The following RPH3A variants were observed in gnomAD, a reference collection of about 807,000 sequenced individuals.
RPH3A encodes the protein rabphilin-3A.
A neutral mutation model predicts 102.2 loss-of-function variants in RPH3A; 48 were observed. The ratio of observed to expected loss-of-function variants is 0.47; its 90% confidence interval spans 0.37 to 0.60. The LOEUF (loss-of-function observed/expected upper bound fraction) is 0.60, where lower values mean the gene tolerates loss of function less well. Ranked by LOEUF, RPH3A falls within the 20% of genes least tolerant of loss-of-function variation. The probability of loss-of-function intolerance (pLI) is 0.00; values close to 1 mark genes in which losing one functional copy is unlikely to be tolerated. For missense variants in RPH3A, 781 were observed against 910.1 expected (o/e 0.86, Z 1.83); for synonymous variants, 310 against 324.3 (o/e 0.96, Z 0.47).
chr12:112,640,813 C>A (rs1332243754), intron 1 of RPH3A, among the ~76,000 whole-genome samples: 2 of 152,172 alleles, frequency 1.3e-5, no homozygotes, highest in Non-Finnish European at 2.9e-5. Context: ...TAGTCTCTGA[C>A]GTCTCTTCCT....
intron 1 of RPH3A, among the ~76,000 whole-genome samples, chr12:112,642,098 A>C (rs2039894943): frequency 6.6e-6 from 1 of 152,200 alleles, no homozygotes; most frequent in African/African-American, 2.4e-5. Context: ...AGCAAAGAAC[A>C]AGACAGCATT....
intron 1 of RPH3A, among the ~76,000 whole-genome samples, chr12:112,729,971 G>A (rs1210328205): frequency 6.6e-6 from 1 of 152,056 alleles, no homozygotes; most frequent in Admixed American, 6.6e-5. Flanking sequence ...TATGACTGCT[G>A]TCCTTATAAA....
intron 1 of RPH3A, among the ~76,000 whole-genome samples, chr12:112,661,275 G>T (rs1241220070): frequency 6.6e-6 from 1 of 152,140 alleles, no homozygotes; most frequent in Admixed American, 6.5e-5. Flanking sequence ...CAAAATAGAA[G>T]TGTGGGATTT....
At chr12:112,579,431 G>T (rs1446530158) in intron 1 of RPH3A, among the ~76,000 whole-genome samples, 1 of 151,980 alleles carries the variant, frequency 6.6e-6, no homozygotes, top group African/African-American at 2.4e-5. Context: ...TTCATGAACT[G>T]CCCTCCAGAA....
chr12:112,880,773 T>A (rs998972065), intron 14 of RPH3A, among the ~76,000 whole-genome samples: 6 of 152,218 alleles, frequency 3.9e-5, no homozygotes, highest in African/African-American at 1.4e-4. Flanking sequence ...AAACAATCAA[T>A]GAACACATCT....
intron 1 of RPH3A, among the ~76,000 whole-genome samples, chr12:112,773,905 A>T (rs576091042): frequency 1.2e-4 from 18 of 152,068 alleles, no homozygotes; most frequent in African/African-American, 3.9e-4. Context: ...ACATGGTGGC[A>T]CCCCTGTCTC....
intron 1 of RPH3A, among the ~76,000 whole-genome samples, chr12:112,644,597 C>T (rs1485977225): frequency 6.6e-6 from 1 of 152,246 alleles, no homozygotes; most frequent in Non-Finnish European, 1.5e-5. Flanking sequence ...ATCTCTGCTA[C>T]AGTGGCTGAG....
chr12:112,878,152 A>G (rs1795822536), intron 13 of RPH3A, among the ~76,000 whole-genome samples: 2 of 152,116 alleles, frequency 1.3e-5, no homozygotes, highest in Admixed American at 1.3e-4. Flanking sequence ...GAGAAAGGAG[A>G]GGAGTCCACC....
At chr12:112,620,795 T>C (rs2039716111) in intron 1 of RPH3A, among the ~76,000 whole-genome samples, 1 of 152,128 alleles carries the variant, frequency 6.6e-6, no homozygotes, top group South Asian at 2.1e-4. Context: ...ACCCCAAACC[T>C]GGAGTCATCC....
At chr12:112,784,264 T>C (rs1036189346) in intron 1 of RPH3A, among the ~76,000 whole-genome samples, 4 of 152,194 alleles carry the variant, frequency 2.6e-5, no homozygotes, top group African/African-American at 9.7e-5. Context: ...ACTCTTCTTT[T>C]CACTTGTTCA....
At chr12:112,793,978 G>C (rs1482386279) in intron 2 of RPH3A, among the ~76,000 whole-genome samples, 1 of 152,188 alleles carries the variant, frequency 6.6e-6, no homozygotes, top group Non-Finnish European at 1.5e-5. Context: ...TAGCCATGCA[G>C]TACAGGCCAG....
chr12:112,594,404 C>T (rs1472699789), intron 1 of RPH3A, among the ~76,000 whole-genome samples: 2 of 152,084 alleles, frequency 1.3e-5, no homozygotes, highest in Non-Finnish European at 2.9e-5. Flanking sequence ...CACATACCCA[C>T]CCACCCATCT....
chr12:112,658,158 A>T (rs2040025709), intron 1 of RPH3A, among the ~76,000 whole-genome samples: 1 of 152,102 alleles, frequency 6.6e-6, no homozygotes, highest in Non-Finnish European at 1.5e-5. Context: ...ATCTTATTTT[A>T]TATATGTATT....
chr12:112,823,289 G>T (rs980047266), intron 2 of RPH3A, among the ~76,000 whole-genome samples: 1 of 152,156 alleles, frequency 6.6e-6, no homozygotes, highest in South Asian at 2.1e-4. Context: ...TTGGAGTCAG[G>T]GTCCAAACCC....
chr12:112,820,469 C>T (rs1364102991), intron 2 of RPH3A, among the ~76,000 whole-genome samples: 1 of 152,166 alleles, frequency 6.6e-6, no homozygotes, highest in African/African-American at 2.4e-5. Flanking sequence ...CGGTCGCTGG[C>T]TGGGTGGGTA....
intron 1 of RPH3A, among the ~76,000 whole-genome samples, chr12:112,689,588 G>T (rs1389021655): frequency 6.6e-6 from 1 of 152,210 alleles, no homozygotes; most frequent in Non-Finnish European, 1.5e-5. Context: ...CTGGAAACTT[G>T]TGTTAATTTG....
At chr12:112,886,209 A>G (rs2043000438) in intron 16 of RPH3A, among the ~76,000 whole-genome samples, 1 of 152,142 alleles carries the variant, frequency 6.6e-6, no homozygotes, top group Non-Finnish European at 1.5e-5. Flanking sequence ...TTGCAGGACA[A>G]TAAGCCCTTT....
intron 1 of RPH3A, among the ~76,000 whole-genome samples, chr12:112,736,054 C>T (rs895409734): frequency 5.9e-5 from 9 of 152,192 alleles, no homozygotes; most frequent in Admixed American, 6.5e-5. Flanking sequence ...CTTCTAAACC[C>T]CTACACATCC....
intron 1 of RPH3A, among the ~76,000 whole-genome samples, chr12:112,580,518 C>T (rs1321451050): frequency 1.3e-5 from 2 of 150,792 alleles, no homozygotes; most frequent in African/African-American, 2.4e-5. Context: ...ATTCTCCTGC[C>T]TCAGCCTCCC....
Sources: allele counts gnomAD v4.1 joint callset (sites outside exome capture counted in the v4.1 genomes callset), GRCh38; gene constraint gnomAD v4.1.1; transcripts MANE v1.5; gene names NCBI Gene and HGNC (gene_info 2026-07-23, HGNC 2026-07-21).